The following PRKRIP1 variants were observed in gnomAD, a reference collection of about 807,000 sequenced individuals.
PRKRIP1 encodes the protein PRKR interacting protein 1.
PRKRIP1 carries 29 observed loss-of-function variants against 29.3 expected under a neutral mutation model. The observed-to-expected ratio is 0.99, with a 90% CI of 0.74 to 1.35. The LOEUF (loss-of-function observed/expected upper bound fraction) is 1.35, where lower values mean the gene tolerates loss of function less well. Ranked by LOEUF, PRKRIP1 falls within the 40% of genes most tolerant of loss-of-function variation. PRKRIP1 has a pLI of 0.00. For missense variants in PRKRIP1, 247 were observed against 236.8 expected (o/e 1.04, Z -0.28); for synonymous variants, 90 against 85.1 (o/e 1.06, Z -0.32).
intron 4 of PRKRIP1, among the ~76,000 whole-genome samples, chr7:102,405,317 G>T (rs1464661491): frequency 1.3e-5 from 2 of 152,144 alleles, no homozygotes; most frequent in African/African-American, 4.8e-5. Context: ...GTGACTACAT[G>T]GTATATAGGC....
chr7:102,417,143 C>T (rs1796575284), intron 5 of PRKRIP1, among the ~76,000 whole-genome samples: 1 of 152,068 alleles, frequency 6.6e-6, no homozygotes, highest in African/African-American at 2.4e-5. Context: ...GTGTGAGCCA[C>T]CACACCTGGC....
At chr7:102,406,938 G>A (rs543286905) in intron 4 of PRKRIP1, among the ~76,000 whole-genome samples, 1 of 151,780 alleles carries the variant, frequency 6.6e-6, no homozygotes. Context: ...TATATAGGCC[G>A]GGCGTGGTGG....
intron 5 of PRKRIP1, among the ~76,000 whole-genome samples, chr7:102,416,152 C>T (rs560084312): frequency 4.1e-4 from 63 of 152,386 alleles, no homozygotes; most frequent in African/African-American, 1.4e-3. Context: ...CCCTTGGCTG[C>T]AGGCCCTGCC....
intron 3 of PRKRIP1, among the ~76,000 whole-genome samples, chr7:102,403,923 G>A (rs1796138437): frequency 1.3e-5 from 2 of 152,182 alleles, no homozygotes; most frequent in Admixed American, 6.6e-5. Flanking sequence ...TCAGCACTTT[G>A]GGAGGCTGAG....
At chr7:102,400,523 A>AT (rs1796037222) in intron 3 of PRKRIP1, among the ~76,000 whole-genome samples, 1 of 152,126 alleles carries the variant, frequency 6.6e-6, no homozygotes, top group Non-Finnish European at 1.5e-5. Flanking sequence ...GAGAAAAAAA[A>AT]ACTGGTTATC....
chr7:102,411,074 G>A (rs893619941), intron 5 of PRKRIP1, among the ~76,000 whole-genome samples: 6 of 152,054 alleles, frequency 3.9e-5, no homozygotes, highest in Admixed American at 2.0e-4. Context: ...GCCTACAGGT[G>A]TGTACCACCA....
chr7:102,398,993 A>G (rs1554570829), intron 2 of PRKRIP1, among the ~76,000 whole-genome samples: 1 of 152,158 alleles, frequency 6.6e-6, no homozygotes, highest in East Asian at 1.9e-4. Flanking sequence ...ATAGTGGTGC[A>G]TGCCTCTGGT....
chr7:102,418,674 C>T (rs1796614798), intron 5 of PRKRIP1, among the ~76,000 whole-genome samples: 1 of 152,142 alleles, frequency 6.6e-6, no homozygotes, highest in Non-Finnish European at 1.5e-5. Context: ...CCACCATCCA[C>T]TAGCCATTTG....
At chr7:102,414,877 C>T (rs181676961) in intron 5 of PRKRIP1, among the ~76,000 whole-genome samples, 54 of 151,838 alleles carry the variant, frequency 3.6e-4, no homozygotes, top group Admixed American at 2.8e-3. Flanking sequence ...CAGAGCGAGA[C>T]CCTGTCTCAA....
Position 102,425,213 on chromosome 7 carries a change from G to T in PRKRIP1, c.*102G>T, listed in dbSNP as rs782379849. 36 of 1,527,002 alleles carry T rather than the reference G, an allele frequency of 2.4e-5. No individual in the cohort carries two copies. Among genetic ancestry groups the T allele is most frequent in the Non-Finnish European group, 3.0e-5 (34 of 1,141,666 alleles). The allele number at this position is 1,527,002 out of a possible 1,614,324, so 94.6% of individuals were successfully genotyped here. ...CTCCCCCGCAAGGACCCGCTGACCC[G>T]CTGGATGGAGAGCAAAGGAGACCCC... On this transcript the variant is annotated 3_prime_UTR_variant, in exon 6 of 6. Transcript: ENST00000397912.
chr7:102,405,454 G>A (rs563389371), intron 4 of PRKRIP1, among the ~76,000 whole-genome samples: 2 of 152,134 alleles, frequency 1.3e-5, no homozygotes, highest in Non-Finnish European at 2.9e-5. Flanking sequence ...TAGGGACCAG[G>A]CATGGTGGCT....
chr7:102,404,125 T>C (rs1013229920), intron 3 of PRKRIP1, among the ~76,000 whole-genome samples: 1 of 152,214 alleles, frequency 6.6e-6, no homozygotes, highest in Admixed American at 6.5e-5. Context: ...ATTGTGCCAC[T>C]GCACTCCAGC....
intron 3 of PRKRIP1, among the ~76,000 whole-genome samples, chr7:102,402,466 G>C (rs1267801178): frequency 6.6e-6 from 1 of 151,890 alleles, no homozygotes; most frequent in African/African-American, 2.4e-5. Context: ...GGGGGGTGGA[G>C]TGAGGGAGGG....
At chr7:102,419,845 T>TTGTGTGTGTGTGTGTGTGTGTG (rs56752508) in intron 5 of PRKRIP1, among the ~76,000 whole-genome samples, 3 of 142,718 alleles carry the variant, frequency 2.1e-5, no homozygotes, top group African/African-American at 8.2e-5. Flanking sequence ...TTTTGTGTTT[T>TTGTGTGTGTGTGTGTGTGTGTG]TGTGTGTGTG....
chr7:102,412,158 C>T (rs372846309), intron 5 of PRKRIP1, among the ~76,000 whole-genome samples: 20 of 152,248 alleles, frequency 1.3e-4, no homozygotes, highest in East Asian at 7.7e-4. Flanking sequence ...TGAGCCACCA[C>T]GCCCAGCCAG....
chr7:102,410,236 C>G (rs1257704290), intron 5 of PRKRIP1, among the ~76,000 whole-genome samples: 2 of 152,158 alleles, frequency 1.3e-5, no homozygotes, highest in Non-Finnish European at 2.9e-5. Flanking sequence ...ATGTGCACTG[C>G]TCTGGTGGCC....
intron 4 of PRKRIP1, chr7:102,405,888 A>T: frequency 3.2e-6 from 1 of 311,592 alleles, no homozygotes. Flanking sequence ...TAACGTAAAA[A>T]TCCATGCTCC....
At chr7:102,404,503 G>T in intron 3 of PRKRIP1, 95 bp from the exon 4 acceptor site, 1 of 949,144 alleles carries the variant, frequency 1.1e-6, no homozygotes, top group East Asian at 2.4e-5. Flanking sequence ...ACCCCCAGTG[G>T]TGTGACTTCT....
chr7:102,406,862 G>A (rs1405351414), intron 4 of PRKRIP1, among the ~76,000 whole-genome samples: 1 of 145,568 alleles, frequency 6.9e-6, no homozygotes, highest in African/African-American at 2.6e-5. Flanking sequence ...CAAGTAATAA[G>A]TCATTAGCAA....
Sources: allele counts gnomAD v4.1 joint callset (sites outside exome capture counted in the v4.1 genomes callset), GRCh38; gene constraint gnomAD v4.1.1; transcripts MANE v1.5; gene names NCBI Gene and HGNC (gene_info 2026-07-23, HGNC 2026-07-21).